The following MAP3K5 variants were observed in gnomAD, a reference collection of about 807,000 sequenced individuals.
The protein encoded by MAP3K5 is mitogen-activated protein kinase kinase kinase 5, also known as ASK-1.
MAP3K5 carries 56 observed loss-of-function variants against 158.7 expected under a neutral mutation model. The observed-to-expected ratio is 0.35, with a 90% CI of 0.28 to 0.44. The LOEUF is 0.44. Ranked by LOEUF, MAP3K5 falls within the 20% of genes least tolerant of loss-of-function variation. The pLI is 1.00. For missense variants in MAP3K5, 1,294 were observed against 1,674.8 expected, an observed-to-expected ratio of 0.77 and a Z score of 3.97; for synonymous variants, 579 against 601.7, an observed-to-expected ratio of 0.96 and a Z score of 0.55.
intron 24 of MAP3K5, among the ~76,000 whole-genome samples, chr6:136,582,142 T>G (rs184347157): frequency 3.2e-4 from 49 of 152,286 alleles, no homozygotes; most frequent in Non-Finnish European, 4.1e-4. Context: ...AACCATAACC[T>G]GCTCCTCTCA....
intron 7 of MAP3K5, among the ~76,000 whole-genome samples, chr6:136,682,155 A>T (rs554677974): frequency 1.3e-5 from 2 of 152,330 alleles, no homozygotes; most frequent in Non-Finnish European, 2.9e-5. Flanking sequence ...GTCACCAATG[A>T]GCTGGTGTCA....
At chr6:136,654,514 T>A (rs1233983924) in intron 10 of MAP3K5, among the ~76,000 whole-genome samples, 2 of 152,330 alleles carry the variant, frequency 1.3e-5, no homozygotes, top group East Asian at 3.9e-4. Flanking sequence ...TGGCATGGTA[T>A]CGGCTCACCG....
At chr6:136,762,297 C>T (rs964609842) in intron 1 of MAP3K5, among the ~76,000 whole-genome samples, 26 of 152,172 alleles carry the variant, frequency 1.7e-4, no homozygotes, top group African/African-American at 6.3e-4. Flanking sequence ...AACAGAGCTC[C>T]TGACTTTGTA....
chr6:136,683,631 C>T (rs1240809163), intron 7 of MAP3K5, among the ~76,000 whole-genome samples: 1 of 152,176 alleles, frequency 6.6e-6, no homozygotes, highest in Admixed American at 6.5e-5. Flanking sequence ...CTCATCTACG[C>T]AAGTGTTAAT....
chr6:136,693,023 A>G (rs780843178), intron 7 of MAP3K5, among the ~76,000 whole-genome samples: 12 of 152,152 alleles, frequency 7.9e-5, no homozygotes, highest in Non-Finnish European at 5.9e-5. Flanking sequence ...TATTCTAAAA[A>G]TATTTTTCTA....
At chr6:136,586,121 G>A (rs1254140966) in intron 23 of MAP3K5, among the ~76,000 whole-genome samples, 1 of 152,134 alleles carries the variant, frequency 6.6e-6, no homozygotes. Context: ...GTCATTAAAC[G>A]AATACTTTAA....
At chr6:136,573,710 C>T (rs2129072285) in intron 25 of MAP3K5, among the ~76,000 whole-genome samples, 1 of 152,156 alleles carries the variant, frequency 6.6e-6, no homozygotes, top group South Asian at 2.1e-4. Context: ...GGCCCAGGAC[C>T]CTCTGAGAAC....
intron 5 of MAP3K5, among the ~76,000 whole-genome samples, chr6:136,696,985 T>C (rs538510834): frequency 2.6e-4 from 39 of 152,346 alleles, no homozygotes; most frequent in Non-Finnish European, 5.1e-4. Flanking sequence ...TTTGTTCTTT[T>C]GGAGGAAAAA....
chr6:136,727,574 C>G lies in MAP3K5; in HGVS notation c.449-6985G>C, dbSNP rs148696477. On this transcript the variant is annotated intron_variant, in intron 1 of 29. Coordinates refer to ENST00000359015, the MANE Select transcript of MAP3K5 (RefSeq NM_005923.4). ...GATTTGGGGATCAAATCATACCAGTCTTATTGTATATTTCATGAGTAAATG... is the reference window on the plus strand; with the variant it reads ...GATTTGGGGATCAAATCATACCAGTGTTATTGTATATTTCATGAGTAAATG... Among the ~76,000 whole-genome samples the G allele has an allele frequency of 3.2e-3, 482 of 152,302 alleles. 3 individuals carry two copies. Among genetic ancestry groups the G allele is most frequent in the African/African-American group, 0.011 (459 of 41,570 alleles).
At chr6:136,702,207 A>G (rs1450469695) in intron 3 of MAP3K5, among the ~76,000 whole-genome samples, 2 of 151,902 alleles carry the variant, frequency 1.3e-5, no homozygotes, top group Non-Finnish European at 2.9e-5. Context: ...CCCATTGCCA[A>G]TGTCAGGAAA....
chr6:136,571,663 C>T (rs545227491), intron 25 of MAP3K5, among the ~76,000 whole-genome samples: 1 of 152,282 alleles, frequency 6.6e-6, no homozygotes, highest in Admixed American at 6.5e-5. Context: ...TTGCTAGATA[C>T]TTGGGTTGCT....
intron 20 of MAP3K5, 74 bp from the exon 21 acceptor site, chr6:136,601,116 A>G: frequency 1.4e-6 from 2 of 1,428,628 alleles, no homozygotes; most frequent in Admixed American, 1.7e-5. Context: ...ATCAACAAAA[A>G]ATGAATGCCT....
At chr6:136,743,430 A>C (rs1782800710) in intron 1 of MAP3K5, among the ~76,000 whole-genome samples, 1 of 152,198 alleles carries the variant, frequency 6.6e-6, no homozygotes. Flanking sequence ...AGCCTGGGTA[A>C]CAGAGCAAGA....
At chr6:136,687,176 G>T (rs537052709) in intron 7 of MAP3K5, among the ~76,000 whole-genome samples, 3 of 152,308 alleles carry the variant, frequency 2.0e-5, no homozygotes, top group Admixed American at 2.0e-4. Context: ...AACGGGGAAA[G>T]AATTCCCTAT....
chr6:136,697,017 T>A (rs895689528), intron 5 of MAP3K5, among the ~76,000 whole-genome samples: 3 of 152,226 alleles, frequency 2.0e-5, no homozygotes, highest in African/African-American at 7.2e-5. Context: ...ACCATACAAG[T>A]CTTTCACAAT....
chr6:136,643,694 T>C (rs1268035756), intron 11 of MAP3K5, among the ~76,000 whole-genome samples: 1 of 152,240 alleles, frequency 6.6e-6, no homozygotes, highest in Admixed American at 6.5e-5. Flanking sequence ...TTTCAGTGCA[T>C]GTCAGTCAGG....
chr6:136,746,443 T>C (rs1001224081), intron 1 of MAP3K5, among the ~76,000 whole-genome samples: 4 of 152,186 alleles, frequency 2.6e-5, no homozygotes, highest in South Asian at 4.1e-4. Context: ...TACTGTTCTA[T>C]GGAAGTATTT....
intron 7 of MAP3K5, among the ~76,000 whole-genome samples, chr6:136,680,611 G>T (rs1779892055): frequency 6.6e-6 from 1 of 152,182 alleles, no homozygotes; most frequent in Non-Finnish European, 1.5e-5. Context: ...TTCCAGAAAG[G>T]TCTTTACCAA....
chr6:136,586,401 G>A (rs1033164554), intron 23 of MAP3K5, among the ~76,000 whole-genome samples: 4 of 152,156 alleles, frequency 2.6e-5, no homozygotes, highest in African/African-American at 9.7e-5. Context: ...GTTTTTTGAT[G>A]TGTGTGCTAC....
Sources: allele counts gnomAD v4.1 joint callset (sites outside exome capture counted in the v4.1 genomes callset), GRCh38; gene constraint gnomAD v4.1.1; transcripts MANE v1.5; gene names NCBI Gene and HGNC (gene_info 2026-07-23, HGNC 2026-07-21).